The following PPP2R3A variants were observed in gnomAD, a reference collection of about 807,000 sequenced individuals.
PPP2R3A encodes the protein serine/threonine-protein phosphatase 2A regulatory subunit B'' subunit alpha.
A neutral mutation model predicts 106.9 loss-of-function variants in PPP2R3A; 80 were observed. The observed-to-expected ratio is 0.75, with a 90% CI of 0.62 to 0.90. PPP2R3A has a LOEUF of 0.90. Among genes scored for constraint, PPP2R3A ranks in the 40% least tolerant of loss-of-function variants. PPP2R3A has a pLI of 0.00. For missense variants in PPP2R3A, 1,386 were observed against 1,350.4 expected (o/e 1.03, Z -0.41); for synonymous variants, 483 against 468.3 (o/e 1.03, Z -0.41).
chr3:136,101,282 ATT>A (rs1383753247), intron 10 of PPP2R3A, among the ~76,000 whole-genome samples: 1 of 152,238 alleles, frequency 6.6e-6, no homozygotes, highest in Non-Finnish European at 1.5e-5. Flanking sequence ...AAAATATAAA[ATT>A]ATAAATTCTG....
At chr3:136,127,201 G>T (rs574892295) in intron 13 of PPP2R3A, among the ~76,000 whole-genome samples, 137 of 152,198 alleles carry the variant, frequency 9.0e-4, no homozygotes, top group African/African-American at 3.2e-3. Flanking sequence ...CAGAAGTTTG[G>T]TAATAACAAA....
intron 5 of PPP2R3A, among the ~76,000 whole-genome samples, chr3:136,050,461 A>G (rs1034299731): frequency 1.3e-5 from 2 of 152,258 alleles, no homozygotes; most frequent in Admixed American, 1.3e-4. Flanking sequence ...ACACGGTACC[A>G]AAGCATTAGG....
At chr3:136,009,461 G>A (rs1024678833) in intron 2 of PPP2R3A, among the ~76,000 whole-genome samples, 2 of 152,070 alleles carry the variant, frequency 1.3e-5, no homozygotes, top group African/African-American at 4.8e-5. Flanking sequence ...GCCACTGTTC[G>A]AGTGTTTGAT....
At position 136,002,959 on chromosome 3, in the gene PPP2R3A, A is replaced by G. The variant is rs761749938; in HGVS notation, c.1461A>G (p.Ser487=). 7.4e-6 allele frequency: 12 copies of G among 1,612,470 alleles called. No individual in the cohort carries two copies. The Admixed American group carries it at 1.8e-4, about 25-fold the overall frequency. ...ATCTACCTAAGGAAGACTGTAAATC[A>G]AAAGTTTCTAAATTTGAAGAGGGAG... The part of the protein sequence containing the change: ...FVNLPKEDCK[S]KVSKFEEGDQ... The change falls in exon 2 of 14, where the codon TCA becomes TCG. Residue 487 remains serine, a synonymous_variant. Coordinates refer to ENST00000264977, the MANE Select transcript of PPP2R3A (RefSeq NM_002718.5).
intron 1 of PPP2R3A, among the ~76,000 whole-genome samples, chr3:135,967,743 CAG>C (rs1451940319): frequency 6.6e-6 from 1 of 152,226 alleles, no homozygotes; most frequent in South Asian, 2.1e-4. Context: ...AAAAAGAAAA[CAG>C]ATATTTAAAA....
rs756601393 is a variant in PPP2R3A at position 136,040,948 on chromosome 3, T to G, written c.2352T>G (p.Ile784Met). 6.2e-7 allele frequency: 1 copy of G among 1,613,404 alleles called. No individual in the cohort carries two copies. Among genetic ancestry groups the G allele is most frequent in the African/African-American group, 1.3e-5 (1 of 75,030 alleles). ...GATTTGTGACAGCACAGTCATTCAT[T>G]GCCATGTGGAGAAAGTAAGTATGTG... The part of the protein sequence containing the change: ...KTGFVTAQSF[I>M]AMWRKLLNNH... The change falls in exon 4 of 14, where the codon ATT (isoleucine) becomes ATG (methionine). Residue 784 changes from isoleucine (I) to methionine (M), a missense_variant. Coordinates refer to ENST00000264977, the MANE Select transcript of PPP2R3A (RefSeq NM_002718.5).
At chr3:136,143,325 C>G (rs1395453014) in intron 13 of PPP2R3A, among the ~76,000 whole-genome samples, 1 of 152,060 alleles carries the variant, frequency 6.6e-6, no homozygotes, top group African/African-American at 2.4e-5. Flanking sequence ...CCTGTTGCTA[C>G]TAAGAAAACA....
chr3:136,080,441 C>G (rs1357261175), intron 7 of PPP2R3A, among the ~76,000 whole-genome samples: 5 of 152,200 alleles, frequency 3.3e-5, no homozygotes, highest in Admixed American at 2.6e-4. Flanking sequence ...AAGTTACCCT[C>G]CAAAAAGCCT....
At chr3:136,077,926 A>G (rs907700063) in intron 6 of PPP2R3A, among the ~76,000 whole-genome samples, 3 of 152,228 alleles carry the variant, frequency 2.0e-5, no homozygotes, top group African/African-American at 4.8e-5. Flanking sequence ...GAATAAGGCT[A>G]TAATAACCAG....
intron 10 of PPP2R3A, among the ~76,000 whole-genome samples, chr3:136,100,058 G>A (rs918991472): frequency 6.6e-6 from 1 of 152,036 alleles, no homozygotes; most frequent in Admixed American, 6.6e-5. Flanking sequence ...CTCAACCAAG[G>A]CCATCATGAT....
chr3:136,000,745 G>A (rs1218013749), intron 1 of PPP2R3A, among the ~76,000 whole-genome samples: 2 of 152,198 alleles, frequency 1.3e-5, no homozygotes, highest in Admixed American at 6.5e-5. Flanking sequence ...AATCAGAAGT[G>A]TGAATTTTTA....
intron 10 of PPP2R3A, among the ~76,000 whole-genome samples, chr3:136,097,877 T>C (rs1937252602): frequency 6.6e-6 from 1 of 152,230 alleles, no homozygotes; most frequent in Non-Finnish European, 1.5e-5. Context: ...TGCAGCCCTC[T>C]GCTTATGAGA....
chr3:136,035,786 G>T (rs773490537), intron 3 of PPP2R3A, among the ~76,000 whole-genome samples: 17 of 152,108 alleles, frequency 1.1e-4, no homozygotes, highest in Admixed American at 7.2e-4. Flanking sequence ...GCAAGGCTGG[G>T]GAAGTTTTCC....
chr3:136,130,085 A>T (rs529534647), intron 13 of PPP2R3A, among the ~76,000 whole-genome samples: 85 of 152,320 alleles, frequency 5.6e-4, no homozygotes, highest in African/African-American at 2.0e-3. Flanking sequence ...AACTGGAAGC[A>T]TTCCCTTTGA....
At chr3:136,049,179 CTG>C in intron 4 of PPP2R3A, 78 bp from the exon 5 acceptor site, 4 of 1,066,022 alleles carry the variant, frequency 3.8e-6, no homozygotes, top group Non-Finnish European at 5.6e-6. Flanking sequence ...TCAGATCAAA[CTG>C]AAATTACTAA....
chr3:136,028,979 A>G (rs542219114), intron 3 of PPP2R3A, among the ~76,000 whole-genome samples: 7 of 152,144 alleles, frequency 4.6e-5, no homozygotes, highest in Non-Finnish European at 1.0e-4. Flanking sequence ...CAGCCTCCCA[A>G]GTAGCTGGGA....
At chr3:136,079,406 ATTTTTT>A (rs199806582) in intron 7 of PPP2R3A, 4 of 156,710 alleles carry the variant, frequency 2.6e-5, no homozygotes, top group South Asian at 2.6e-4. Flanking sequence ...ATAATCCATA[ATTTTTT>A]TTTTTTTTTT....
chr3:136,017,642 T>A (rs988084502), intron 2 of PPP2R3A, among the ~76,000 whole-genome samples: 2 of 152,208 alleles, frequency 1.3e-5, no homozygotes, highest in Non-Finnish European at 2.9e-5. Context: ...ACCTCCACTT[T>A]GATATGTAAC....
chr3:136,113,713 T>G (rs1937636113), intron 13 of PPP2R3A, among the ~76,000 whole-genome samples: 1 of 151,672 alleles, frequency 6.6e-6, no homozygotes, highest in Non-Finnish European at 1.5e-5. Flanking sequence ...AAGAAGCACT[T>G]GAACCTGGGA....
Sources: gnomAD v4.1 joint callset for allele counts (sites outside exome capture counted in the v4.1 genomes callset) on GRCh38, gnomAD v4.1.1 for gene constraint, MANE v1.5 for transcripts, NCBI Gene and HGNC (gene_info 2026-07-23, HGNC 2026-07-21) for gene names.